Variants in ACTR3B observed in about 807,000 individuals in gnomAD.
ACTR3B encodes actin related protein 3B.
ACTR3B carries 8 observed loss-of-function variants against 59.0 expected under a neutral mutation model. The ratio of observed to expected loss-of-function variants is 0.14; its 90% CI spans 0.08 to 0.24. The LOEUF (loss-of-function observed/expected upper bound fraction) is 0.24. Among genes scored for constraint, ACTR3B ranks in the 10% least tolerant of loss-of-function variants. ACTR3B has a pLI of 1.00. For missense variants in ACTR3B, 245 were observed against 552.3 expected (o/e 0.44, Z 5.58); for synonymous variants, 148 against 197.9 (o/e 0.75, Z 2.12).
intron 7 of ACTR3B, among the ~76,000 whole-genome samples, chr7:152,822,309 C>T (rs1289992685): frequency 2.0e-5 from 3 of 152,204 alleles, no homozygotes; most frequent in African/African-American, 7.2e-5. Flanking sequence ...TGCTCAGCGC[C>T]AGCTGGGCGG....
intron 2 of ACTR3B, among the ~76,000 whole-genome samples, chr7:152,788,613 A>G (rs897440727): frequency 4.0e-5 from 6 of 151,866 alleles, no homozygotes; most frequent in African/African-American, 1.2e-4. Flanking sequence ...GGATTTCACT[A>G]TGTTGGCCAG....
chr7:152,851,584 C>A (rs1798808785), intron 9 of ACTR3B, among the ~76,000 whole-genome samples: 2 of 152,172 alleles, frequency 1.3e-5, no homozygotes, highest in African/African-American at 4.8e-5. Context: ...CCTTCCTCAG[C>A]CCCCCACCGA....
intron 9 of ACTR3B, 58 bp downstream of exon 9, chr7:152,825,180 T>G: frequency 5.7e-6 from 9 of 1,569,350 alleles, no homozygotes; most frequent in Non-Finnish European, 8.7e-7. Context: ...GGCCCATAAT[T>G]CTTAGAAGAC....
intron 2 of ACTR3B, among the ~76,000 whole-genome samples, chr7:152,796,189 C>T (rs1433373465): frequency 6.6e-6 from 1 of 152,102 alleles, no homozygotes; most frequent in East Asian, 1.9e-4. Flanking sequence ...TTTACCTGAT[C>T]TCTGATTTCA....
rs1280623406 is a variant in ACTR3B at position 152,853,387 on chromosome 7, TAAG to T, written c.1078-105_1078-103del. 15 of 927,202 alleles carry T rather than the reference TAAG, an allele frequency of 1.6e-5. No homozygotes were observed. In the East Asian group the frequency reaches 3.7e-4, roughly 23 times the overall value. The allele number at this position is 927,202 out of a possible 1,614,324, so 57.4% of individuals were successfully genotyped here. Reference sequence around the variant, plus strand: ...TGGGTGTGAGGTGGTGCTCGTGCCATAAGAGGAGGGCGGCCCTGGGTGCAGCTG... The same window carrying T: ...TGGGTGTGAGGTGGTGCTCGTGCCATAGGAGGGCGGCCCTGGGTGCAGCTG... On this transcript the variant is annotated intron_variant, in intron 10 of 11. Coordinates refer to ENST00000256001, the MANE Select transcript of ACTR3B (RefSeq NM_020445.6).
At chr7:152,792,806 G>A (rs1408876938) in intron 2 of ACTR3B, among the ~76,000 whole-genome samples, 1 of 151,988 alleles carries the variant, frequency 6.6e-6, no homozygotes, top group African/African-American at 2.4e-5. Flanking sequence ...TGGACTGCCT[G>A]AACATCCCAA....
At chr7:152,765,569 A>G (rs2098107119) in intron 1 of ACTR3B, among the ~76,000 whole-genome samples, 1 of 152,040 alleles carries the variant, frequency 6.6e-6, no homozygotes, top group African/African-American at 2.4e-5. Flanking sequence ...GATTGCTTTC[A>G]TGTAAATTAT....
intron 1 of ACTR3B, among the ~76,000 whole-genome samples, chr7:152,777,776 C>A (rs1415068523): frequency 6.6e-6 from 1 of 152,030 alleles, no homozygotes; most frequent in East Asian, 1.9e-4. Flanking sequence ...CGTGGTGAAA[C>A]CCCGTTTTTA....
chr7:152,791,400 G>C (rs2098195729), intron 2 of ACTR3B, among the ~76,000 whole-genome samples: 1 of 151,462 alleles, frequency 6.6e-6, no homozygotes, highest in Non-Finnish European at 1.5e-5. Context: ...TATAAACTCT[G>C]TATTTAAAAT....
chr7:152,781,545 T>C (rs1284633499), intron 1 of ACTR3B, among the ~76,000 whole-genome samples: 8 of 152,216 alleles, frequency 5.3e-5, no homozygotes, highest in Non-Finnish European at 1.0e-4. Flanking sequence ...TATTTAAGCA[T>C]AAGGTGCATC....
intron 2 of ACTR3B, among the ~76,000 whole-genome samples, chr7:152,784,007 T>C (rs749854876): frequency 4.0e-4 from 61 of 151,994 alleles, no homozygotes; most frequent in Non-Finnish European, 7.1e-4. Flanking sequence ...GGAGAATCAC[T>C]TGAAGCTGGG....
In ACTR3B at chr7:152,816,286, T is replaced by C. The variant is rs991733256; in HGVS notation, c.433-195T>C. Among the ~76,000 whole-genome samples, 9 of 152,158 alleles carry C rather than the reference T, an allele frequency of 5.9e-5. 1 individual carries two copies. In the East Asian group the frequency reaches 7.7e-4, roughly 13 times the overall value. On this transcript the variant is annotated intron_variant, in intron 5 of 11. Transcript: ENST00000256001. Reference sequence around the variant, plus strand: ...AAAACTTGACTCCTATAGTTGTAAGTACTCAACATTTTCGTGTTAGTTGTC... The same window carrying C: ...AAAACTTGACTCCTATAGTTGTAAGCACTCAACATTTTCGTGTTAGTTGTC...
chr7:152,838,620 G>C (rs1319792005), intron 9 of ACTR3B, among the ~76,000 whole-genome samples: 1 of 151,872 alleles, frequency 6.6e-6, no homozygotes, highest in Non-Finnish European at 1.5e-5. Context: ...ACCGTGGCAC[G>C]TGTATACCTG....
intron 2 of ACTR3B, among the ~76,000 whole-genome samples, chr7:152,788,832 G>A (rs370609024): frequency 0.034 from 5,026 of 148,786 alleles, 30 homozygotes; most frequent in Middle Eastern, 0.093. Flanking sequence ...GACCAGCCCA[G>A]CCAACATGGT....
intron 10 of ACTR3B, 49 bp from the exon 11 acceptor site, chr7:152,853,445 C>A: frequency 6.4e-7 from 1 of 1,562,646 alleles, no homozygotes; most frequent in Non-Finnish European, 8.8e-7. Context: ...ATGATTAGAT[C>A]ACATGTGTCT....
intron 2 of ACTR3B, among the ~76,000 whole-genome samples, chr7:152,795,712 C>T (rs919783562): frequency 3.3e-5 from 5 of 152,180 alleles, no homozygotes; most frequent in African/African-American, 1.2e-4. Context: ...GTAGCTCTAC[C>T]ATCCATGGTT....
At chr7:152,793,836 C>G (rs1306332049) in intron 2 of ACTR3B, among the ~76,000 whole-genome samples, 1 of 151,172 alleles carries the variant, frequency 6.6e-6, no homozygotes, top group Non-Finnish European at 1.5e-5. Context: ...GACACTACTC[C>G]AGCAGGGGAA....
At chr7:152,798,708 G>A (rs1285073158) in intron 2 of ACTR3B, among the ~76,000 whole-genome samples, 1 of 152,172 alleles carries the variant, frequency 6.6e-6, no homozygotes, top group African/African-American at 2.4e-5. Context: ...TTTTGTATAT[G>A]GTTGAGAGAT....
intron 7 of ACTR3B, among the ~76,000 whole-genome samples, chr7:152,820,956 C>T (rs1410394774): frequency 2.6e-5 from 4 of 152,252 alleles, no homozygotes; most frequent in Non-Finnish European, 5.9e-5. Flanking sequence ...CTTCTCCTCA[C>T]TGCCTTCCTC....
Sources: allele counts gnomAD v4.1 joint callset (sites outside exome capture counted in the v4.1 genomes callset), GRCh38; gene constraint gnomAD v4.1.1; transcripts MANE v1.5; gene names NCBI Gene and HGNC (gene_info 2026-07-23, HGNC 2026-07-21).